IQCM: variants seen among roughly 807,000 people sequenced by gnomAD.
IQCM encodes IQ motif containing M, also known as IQ domain-containing protein M.
A neutral mutation model predicts 57.6 loss-of-function variants in IQCM; 45 were observed. The observed-to-expected ratio is 0.78, with a 90% confidence interval of 0.62 to 1.00. The LOEUF (loss-of-function observed/expected upper bound fraction) is 1.00, where lower values mean the gene tolerates loss of function less well. IQCM is among the 50% of genes least tolerant of loss of function. The pLI is 0.00. For synonymous variants in IQCM, 148 were observed against 158.9 expected (o/e 0.93, Z 0.51); for missense variants, 468 against 511.6 (o/e 0.91, Z 0.82).
chr4:149,645,406 A>T (rs1758548996), intron 7 of IQCM, among the ~76,000 whole-genome samples: 1 of 152,182 alleles, frequency 6.6e-6, no homozygotes, highest in South Asian at 2.1e-4. Context: ...TCACATTTTT[A>T]ACTTTTTAAT....
At position 149,660,888 on chromosome 4, in the gene IQCM, C is replaced by T. The variant is rs558654464; in HGVS notation, c.565+21230G>A. Among the ~76,000 whole-genome samples, 597 of 151,534 alleles carry T rather than the reference C, an allele frequency of 3.9e-3. 2 individuals carry two copies. Among genetic ancestry groups the T allele is most frequent in the African/African-American group, 0.014 (567 of 41,298 alleles). ...AGGAGATATACCTAATGCTAAATGA[C>T]GAGTTAATGGGTGCAGCACACCAGC... On this transcript the variant is annotated intron_variant, in intron 7 of 13. Transcript: ENST00000636793.
rs373865453 is a variant in IQCM, at chr4:149,442,925, T to TAC, written c.1229-9370_1229-9369dup. 1.6e-3 allele frequency among the ~76,000 whole-genome samples: 212 copies of TAC among 133,234 alleles called. 1 individual carries two copies. The highest frequency in any genetic ancestry group is 1.9e-3 in the Non-Finnish European group (123 of 63,248). The allele number at this position is 133,234 out of a possible 152,430, so 87.4% of individuals were successfully genotyped here. A position where few individuals can be genotyped will look rare whatever the true frequency, so the allele number is the denominator to read the frequency against. Reference sequence around the variant, plus strand: ...GAAGAACTAGCAGGCTATCTCTCAATACACACACACACACACACACACACA... The same window carrying TAC: ...GAAGAACTAGCAGGCTATCTCTCAATACACACACACACACACACACACACACA... On this transcript the variant is annotated intron_variant, in intron 12 of 13. Transcript: ENST00000636793.
chr4:149,620,032 C>T (rs903166510), intron 8 of IQCM, among the ~76,000 whole-genome samples: 5 of 152,088 alleles, frequency 3.3e-5, no homozygotes, highest in South Asian at 2.1e-4. Flanking sequence ...TGGCAAGCAT[C>T]GGTAATCCCA....
chr4:149,446,908 C>T (rs115318402), intron 12 of IQCM, among the ~76,000 whole-genome samples: 2,151 of 151,394 alleles, frequency 0.014, 39 homozygotes, highest in Non-Finnish European at 0.02. Context: ...TGTTAACTCA[C>T]GATGTTAAAA....
At chr4:149,544,284 A>C (rs966006429) in intron 12 of IQCM, among the ~76,000 whole-genome samples, 2 of 152,144 alleles carry the variant, frequency 1.3e-5, no homozygotes, top group African/African-American at 4.8e-5. Flanking sequence ...TTATCTGAAA[A>C]AGAAATTAAG....
intron 5 of IQCM, chr4:149,691,874 T>G (rs1195091569): frequency 1.3e-5 from 2 of 152,166 alleles, no homozygotes; most frequent in Non-Finnish European, 2.9e-5. Flanking sequence ...TGAAACTAAA[T>G]TTTCACTAAT....
intron 12 of IQCM, among the ~76,000 whole-genome samples, chr4:149,470,549 C>A (rs1054286951): frequency 1.3e-5 from 2 of 152,116 alleles, no homozygotes; most frequent in African/African-American, 4.8e-5. Flanking sequence ...CCACTGTCGA[C>A]ATTAGACAGA....
chr4:149,794,934 C>T lies in IQCM; in HGVS notation c.-49+20377G>A, dbSNP rs535290317. On this transcript the variant is annotated intron_variant, in intron 2 of 13. Transcript: ENST00000636793. Reference sequence around the variant, plus strand: ...TTCAACAGAAGCAGATCACAGATTACCCTTTTACTGGAATTAGGAGACAAG... The same window carrying T: ...TTCAACAGAAGCAGATCACAGATTATCCTTTTACTGGAATTAGGAGACAAG... Among the ~76,000 whole-genome samples, 351 of 152,118 alleles carry T rather than the reference C, an allele frequency of 2.3e-3. 2 individuals are homozygous for T. Among genetic ancestry groups the T allele is most frequent in the African/African-American group, 7.4e-3 (308 of 41,512 alleles).
At chr4:149,393,278 T>G (rs988538334) in intron 13 of IQCM, among the ~76,000 whole-genome samples, 1 of 151,982 alleles carries the variant, frequency 6.6e-6, no homozygotes, top group African/African-American at 2.4e-5. Flanking sequence ...TGATTGAAAT[T>G]ATAAACTTCC....
chr4:149,650,088 T>C (rs1402712011), intron 7 of IQCM, among the ~76,000 whole-genome samples: 1 of 152,160 alleles, frequency 6.6e-6, no homozygotes, highest in African/African-American at 2.4e-5. Flanking sequence ...CCCAAAAAGA[T>C]ATGTTGACGT....
chr4:149,685,466 T>C (rs920276904), intron 6 of IQCM, among the ~76,000 whole-genome samples: 5 of 151,478 alleles, frequency 3.3e-5, no homozygotes, highest in Non-Finnish European at 5.9e-5. Context: ...TAAGGCTGTG[T>C]ATATATTTCA....
intron 5 of IQCM, among the ~76,000 whole-genome samples, chr4:149,705,038 C>A (rs1039863025): frequency 6.6e-6 from 1 of 151,444 alleles, no homozygotes; most frequent in Non-Finnish European, 1.5e-5. Context: ...CTTACAACAC[C>A]AGCTTTCCTG....
chr4:149,475,949 C>T (rs148452408), intron 12 of IQCM, among the ~76,000 whole-genome samples: 14 of 152,022 alleles, frequency 9.2e-5, no homozygotes, highest in African/African-American at 3.1e-4. Flanking sequence ...AGACAATGAG[C>T]GTGGATGACT....
chr4:149,655,802 A>G (rs1193822394), intron 7 of IQCM, among the ~76,000 whole-genome samples: 1 of 152,174 alleles, frequency 6.6e-6, no homozygotes, highest in Non-Finnish European at 1.5e-5. Flanking sequence ...GCTTTAGTTC[A>G]TAACTAAACT....
At chr4:149,785,818 G>GT (rs1164317849) in intron 2 of IQCM, among the ~76,000 whole-genome samples, 1 of 139,740 alleles carries the variant, frequency 7.2e-6, no homozygotes, top group African/African-American at 2.5e-5. Context: ...CTTTAAAAAT[G>GT]TAAAAAAAAA....
intron 5 of IQCM, among the ~76,000 whole-genome samples, chr4:149,720,058 C>G (rs1044583683): frequency 6.6e-6 from 1 of 152,142 alleles, no homozygotes; most frequent in Non-Finnish European, 1.5e-5. Context: ...ACAGAATGAC[C>G]CTGGGCCACT....
chr4:149,806,881 G>T (rs1335825199), intron 2 of IQCM, among the ~76,000 whole-genome samples: 1 of 151,708 alleles, frequency 6.6e-6, no homozygotes, highest in African/African-American at 2.4e-5. Flanking sequence ...CACTGACAGT[G>T]ATCGATCTTA....
chr4:149,583,421 G>A (rs1752384153), intron 9 of IQCM, among the ~76,000 whole-genome samples: 1 of 151,482 alleles, frequency 6.6e-6, no homozygotes, highest in African/African-American at 2.4e-5. Flanking sequence ...ACAATAGAAT[G>A]CTTTTCCTCT....
intron 5 of IQCM, among the ~76,000 whole-genome samples, chr4:149,699,124 A>G (rs1171594618): frequency 6.6e-6 from 1 of 152,106 alleles, no homozygotes; most frequent in Non-Finnish European, 1.5e-5. Context: ...ATATGAAAAT[A>G]TTATCTCAAA....
Sources: allele counts gnomAD v4.1 joint callset (sites outside exome capture counted in the v4.1 genomes callset), GRCh38; gene constraint gnomAD v4.1.1; transcripts MANE v1.5; gene names NCBI Gene and HGNC (gene_info 2026-07-23, HGNC 2026-07-21).